TDRD1: variants seen among roughly 807,000 people sequenced by gnomAD.
TDRD1 encodes tudor domain-containing protein 1.
Under a neutral mutation model 140.6 loss-of-function variants are expected in TDRD1, and 37 were observed. That is an observed-to-expected ratio of 0.26 (90% CI 0.20 to 0.35). The LOEUF (loss-of-function observed/expected upper bound fraction) is 0.35. Ranked by LOEUF, TDRD1 falls within the 10% of genes least tolerant of loss-of-function variation. TDRD1 has a pLI of 1.00. For synonymous variants in TDRD1, 506 were observed against 475.7 expected (o/e 1.06, Z -0.83); for missense variants, 1,243 against 1,393.0 (o/e 0.89, Z 1.71).
At chr10:114,193,397 A>T (rs1374807801) in intron 3 of TDRD1, among the ~76,000 whole-genome samples, 1 of 146,848 alleles carries the variant, frequency 6.8e-6, no homozygotes, top group Non-Finnish European at 1.5e-5. Context: ...GGTTCAAGCG[A>T]TTCTCCTGCC....
chr10:114,227,732 A>C (rs1381014770), intron 23 of TDRD1, among the ~76,000 whole-genome samples, 178 bp from the exon 24 acceptor site: 1 of 152,230 alleles, frequency 6.6e-6, no homozygotes, highest in African/African-American at 2.4e-5. Context: ...TGGGTTGTTA[A>C]TGTGGTCAAA....
chr10:114,226,136 C>A, exon 22 of TDRD1: 1 of 1,614,048 alleles, frequency 6.2e-7, no homozygotes, highest in Non-Finnish European at 8.5e-7. Flanking sequence ...AACATTGAAA[C>A]CCTGCCTCTT....
exon 4 of TDRD1, chr10:114,199,187 T>G (rs371905794): frequency 6.2e-7 from 1 of 1,612,566 alleles, no homozygotes; most frequent in Non-Finnish European, 8.5e-7. Flanking sequence ...CTGGAAATAA[T>G]GTACGTCCTG....
At chr10:114,199,463 C>T in intron 4 of TDRD1, 146 bp downstream of exon 4, 1 of 981,366 alleles carries the variant, frequency 1.0e-6, no homozygotes, top group Non-Finnish European at 1.4e-6. Flanking sequence ...CTGTCAGCAT[C>T]CTGCTGTTCC....
intron 19 of TDRD1, 107 bp from the exon 20 acceptor site, chr10:114,221,250 G>GT: frequency 9.1e-7 from 1 of 1,103,294 alleles, no homozygotes. Context: ...ATTTGGAAAT[G>GT]TTGATAATCA....
chr10:114,218,542 T>G, exon 18 of TDRD1: 1 of 1,611,122 alleles, frequency 6.2e-7, no homozygotes, highest in Non-Finnish European at 8.5e-7. Flanking sequence ...ATCATCAACA[T>G]TTTTAAACCT....
chr10:114,198,410 A>T (rs1589674507), intron 3 of TDRD1, among the ~76,000 whole-genome samples: 1 of 152,148 alleles, frequency 6.6e-6, no homozygotes, highest in Non-Finnish European at 1.5e-5. Flanking sequence ...CTTCAGGGAT[A>T]AAGTGCTGGC....
chr10:114,206,877 A>G (rs1326096433), intron 11 of TDRD1, among the ~76,000 whole-genome samples: 4 of 152,152 alleles, frequency 2.6e-5, no homozygotes, highest in Non-Finnish European at 4.4e-5. Flanking sequence ...CAGCCTCCCA[A>G]AGTGCTGGGA....
At chr10:114,228,127 TTAAG>T (rs1464459668) in intron 25 of TDRD1, 2 of 1,579,058 alleles carry the variant, frequency 1.3e-6, no homozygotes, top group African/African-American at 1.4e-5. Flanking sequence ...TGTTAAAAAG[TTAAG>T]TAAGTTAAAT....
chr10:114,202,163 C>A (rs774276434), intron 5 of TDRD1, 75 bp from the exon 6 acceptor site: 24 of 1,160,890 alleles, frequency 2.1e-5, no homozygotes, highest in Non-Finnish European at 3.0e-5. Flanking sequence ...ATTGAGAATA[C>A]CATAATTGTG....
intron 9 of TDRD1, among the ~76,000 whole-genome samples, 177 bp from the exon 10 acceptor site, chr10:114,204,545 A>G (rs1229296088): frequency 6.6e-6 from 1 of 152,216 alleles, no homozygotes; most frequent in Non-Finnish European, 1.5e-5. Flanking sequence ...AGTAAGCGTT[A>G]TGAATACAGT....
chr10:114,204,128 T>C, exon 9 of TDRD1: 1 of 1,604,738 alleles, frequency 6.2e-7, no homozygotes, highest in Non-Finnish European at 8.5e-7. Flanking sequence ...AAGGCACATG[T>C]CTTATATATT....
At position 114,190,531 on chromosome 10, in the gene TDRD1, G is replaced by A. The variant is rs111712380; in HGVS notation, c.326-430G>A. On this transcript the variant is annotated intron_variant, in intron 2 of 25. Transcript: ENST00000251864. Reference sequence around the variant, plus strand: ...AAGACGGAGTCTCACTCTGTTGTCCGGGCTGGAATGCAGTGGCGCTATCTC... The same window carrying A: ...AAGACGGAGTCTCACTCTGTTGTCCAGGCTGGAATGCAGTGGCGCTATCTC... Among the ~76,000 whole-genome samples the A allele has an allele frequency of 5.0e-3, 763 of 152,124 alleles. 7 individuals carry two copies. Among genetic ancestry groups the A allele is most frequent in the African/African-American group, 0.018 (729 of 41,496 alleles).
At chr10:114,194,013 A>T (rs1159976048) in intron 3 of TDRD1, among the ~76,000 whole-genome samples, 1 of 152,122 alleles carries the variant, frequency 6.6e-6, no homozygotes, top group African/African-American at 2.4e-5. Flanking sequence ...GATATTTTGA[A>T]TGGTTAACTA....
chr10:114,225,617 T>C (rs747026805), intron 21 of TDRD1, among the ~76,000 whole-genome samples: 63 of 152,128 alleles, frequency 4.1e-4, no homozygotes, highest in Middle Eastern at 3.4e-3. Flanking sequence ...CCCATCACTT[T>C]CGGAGGCTGA....
chr10:114,182,834 G>T (rs900255852), intron 1 of TDRD1, among the ~76,000 whole-genome samples: 3 of 151,832 alleles, frequency 2.0e-5, no homozygotes, highest in African/African-American at 7.3e-5. Flanking sequence ...ACAGGCACCC[G>T]CCACCATGCC....
In TDRD1 at chr10:114,195,869, G is replaced by C. The variant is rs545086373; in HGVS notation, c.385-3304G>C. On this transcript the variant is annotated intron_variant, in intron 3 of 25. Transcript: ENST00000251864. ...TTACTTGAATACTTTCAGTAATTTT[G>C]ATTTTTATCCAGTGTTTTCAAGTGT... Among the ~76,000 whole-genome samples the C allele has an allele frequency of 3.3e-5, 5 of 152,046 alleles. No homozygotes were observed. The South Asian group carries it at 8.3e-4, about 25-fold the overall frequency.
chr10:114,206,378 G>C (rs759134906), intron 11 of TDRD1, 48 bp downstream of exon 11: 2 of 1,487,504 alleles, frequency 1.3e-6, no homozygotes, highest in South Asian at 2.3e-5. Context: ...AGTTATTGAA[G>C]ACCATCTACC....
At chr10:114,192,292 CTTTTTTTTTTTTTTT>C (rs938140798) in intron 3 of TDRD1, among the ~76,000 whole-genome samples, 11 of 75,116 alleles carry the variant, frequency 1.5e-4, no homozygotes, top group East Asian at 1.4e-3. Context: ...GATAGTTTTC[CTTTTTTTTTTTTTTT>C]TTTTTTTTTT....
Sources: allele counts gnomAD v4.1 joint callset (sites outside exome capture counted in the v4.1 genomes callset), GRCh38; gene constraint gnomAD v4.1.1; transcripts MANE v1.5; gene names NCBI Gene and HGNC (gene_info 2026-07-23, HGNC 2026-07-21).